CRHR2: variants seen among roughly 807,000 people sequenced by gnomAD.
The protein encoded by CRHR2 is corticotropin releasing hormone receptor 2.
CRHR2 carries 53 observed loss-of-function variants against 57.9 expected under a neutral mutation model. The ratio of observed to expected loss-of-function variants is 0.92; its 90% CI spans 0.73 to 1.15. CRHR2 has a LOEUF of 1.15. Among genes scored for constraint, CRHR2 ranks in the 50% most tolerant of loss-of-function variants. The pLI is 0.00. For missense variants in CRHR2, 532 were observed against 542.6 expected, an observed-to-expected ratio of 0.98 and a Z score of 0.19; for synonymous variants, 213 against 220.9, an observed-to-expected ratio of 0.96 and a Z score of 0.32.
intron 1 of CRHR2, among the ~76,000 whole-genome samples, chr7:30,692,552 A>G (rs1784982658): frequency 6.6e-6 from 1 of 152,204 alleles, no homozygotes; most frequent in Non-Finnish European, 1.5e-5. Flanking sequence ...AGAAGAGGAG[A>G]AAGTGACCCA....
At position 30,692,731 on chromosome 7, in the gene CRHR2, A is replaced by G. The variant is rs142557400; in HGVS notation, c.-260-3447T>C. On this transcript the variant is annotated intron_variant, in intron 1 of 13. Coordinates refer to the CRHR2 transcript ENST00000341843. The stretch of plus-strand genomic sequence containing the variant: ...TTACTCTAGTGCTAGACCTGCCTCT[A>G]AATGCCCTACAGAAGACAGCGGATT... Among the ~76,000 whole-genome samples the G allele has an allele frequency of 4.8e-3, 724 of 152,308 alleles. 1 individual carries two copies. Among genetic ancestry groups the G allele is most frequent in the South Asian group, 0.014 (68 of 4,822 alleles).
chr7:30,662,348 A>C (rs1784037572), intron 6 of CRHR2, 132 bp from the exon 7 acceptor site: 1 of 1,040,498 alleles, frequency 9.6e-7, no homozygotes, highest in Admixed American at 2.1e-5. Context: ...CCACAACCCC[A>C]GGGGTGCCCT....
chr7:30,654,086 C>T (rs1783683015), intron 11 of CRHR2, among the ~76,000 whole-genome samples: 1 of 152,210 alleles, frequency 6.6e-6, no homozygotes, highest in African/African-American at 2.4e-5. Context: ...ACTCCCCTGC[C>T]TGACTAACCA....
At chr7:30,673,905 G>A (rs908510824) in intron 2 of CRHR2, among the ~76,000 whole-genome samples, 1 of 152,186 alleles carries the variant, frequency 6.6e-6, no homozygotes, top group African/African-American at 2.4e-5. Context: ...TTGAGTTTGG[G>A]AGTCTAATAT....
At chr7:30,672,102 A>T (rs1451801802) in intron 2 of CRHR2, among the ~76,000 whole-genome samples, 2 of 152,346 alleles carry the variant, frequency 1.3e-5, no homozygotes, top group Admixed American at 1.3e-4. Flanking sequence ...CCTAAGAACC[A>T]GCCTTCCCAC....
intron 11 of CRHR2, chr7:30,654,670 C>G (rs1783709234): frequency 6.5e-7 from 1 of 1,534,964 alleles, no homozygotes; most frequent in African/African-American, 1.4e-5. Flanking sequence ...GTGCTGGTCT[C>G]TCTTCTGCTC....
At chr7:30,667,187 C>T (rs1784212527) in intron 3 of CRHR2, 41 bp downstream of exon 3, 2 of 1,578,168 alleles carry the variant, frequency 1.3e-6, no homozygotes, top group Middle Eastern at 1.7e-4. Context: ...GTCCAAATAC[C>T]TGTGTGAGGC....
At chr7:30,658,556 A>G (rs1178190665) in intron 8 of CRHR2, among the ~76,000 whole-genome samples, 1 of 152,228 alleles carries the variant, frequency 6.6e-6, no homozygotes, top group Non-Finnish European at 1.5e-5. Flanking sequence ...CTGAAGCACC[A>G]AGTCCTAGTC....
At chr7:30,686,708 C>T, upstream of CRHR2, 1 of 445,360 alleles carries the variant, frequency 2.2e-6, no homozygotes, top group Non-Finnish European at 4.1e-6. Context: ...AATATATGCC[C>T]TAATATTTTT....
intron 1 of CRHR2, among the ~76,000 whole-genome samples, chr7:30,694,928 A>T: frequency 9.6e-6 from 1 of 104,650 alleles, no homozygotes; most frequent in Admixed American, 1.2e-4. Flanking sequence ...GAAAAGGGAG[A>T]GGGGGAGAAT....
intron 2 of CRHR2, among the ~76,000 whole-genome samples, chr7:30,674,809 T>C (rs1784465752): frequency 6.6e-6 from 1 of 152,120 alleles, no homozygotes; most frequent in Admixed American, 6.5e-5. Context: ...ATAGCCATTC[T>C]TGGTGTGAGC....
chr7:30,682,100 G>C (rs1359015011), intron 1 of CRHR2, 60 bp from the exon 2 acceptor site: 1 of 1,540,592 alleles, frequency 6.5e-7, no homozygotes, highest in Non-Finnish European at 8.7e-7. Context: ...CGGGGCTCTC[G>C]GAGCGCGGGG....
intron 2 of CRHR2, among the ~76,000 whole-genome samples, chr7:30,680,818 T>TTGTGTGTG (rs60568949): frequency 0.025 from 3,639 of 145,436 alleles, 126 homozygotes; most frequent in African/African-American, 0.08. Context: ...TTCTGAAAGC[T>TTGTGTGTG]TGTGTGTGTG....
intron 2 of CRHR2, among the ~76,000 whole-genome samples, chr7:30,676,433 G>A (rs781370729): frequency 8.7e-4 from 132 of 152,276 alleles, no homozygotes; most frequent in Non-Finnish European, 1.6e-3. Flanking sequence ...CGGATTTACA[G>A]CTTCTACTTC....
At chr7:30,668,877 A>AGCCT in intron 2 of CRHR2, among the ~76,000 whole-genome samples, 1 of 152,334 alleles carries the variant, frequency 6.6e-6, no homozygotes, top group East Asian at 1.9e-4. Context: ...AGGAAGAGGA[A>AGCCT]GCCTGCTCCC....
chr7:30,690,142 A>T (rs766053322), intron 1 of CRHR2, among the ~76,000 whole-genome samples: 6 of 152,124 alleles, frequency 3.9e-5, no homozygotes, highest in Non-Finnish European at 8.8e-5. Flanking sequence ...GGTGGGAAAG[A>T]TGGATAGGAT....
At chr7:30,666,391 A>C (rs1784185275) in intron 3 of CRHR2, among the ~76,000 whole-genome samples, 1 of 152,162 alleles carries the variant, frequency 6.6e-6, no homozygotes, top group African/African-American at 2.4e-5. Flanking sequence ...ATTTGAAACA[A>C]AGTTAGTGAT....
intron 11 of CRHR2, chr7:30,654,623 GGT>G: frequency 2.7e-6 from 4 of 1,477,938 alleles, no homozygotes; most frequent in Non-Finnish European, 2.7e-6. Context: ...GCCTGCTCTT[GGT>G]GTGTGGGCTT....
intron 1 of CRHR2, among the ~76,000 whole-genome samples, chr7:30,690,588 G>A (rs757822907): frequency 6.6e-6 from 1 of 152,128 alleles, no homozygotes; most frequent in Non-Finnish European, 1.5e-5. Flanking sequence ...GTCAATGTTT[G>A]CCCCAGGATG....
Sources: gnomAD v4.1 joint callset for allele counts (sites outside exome capture counted in the v4.1 genomes callset) on GRCh38, gnomAD v4.1.1 for gene constraint, MANE v1.5 for transcripts, NCBI Gene and HGNC (gene_info 2026-07-23, HGNC 2026-07-21) for gene names.